PLAGL1: variants seen among roughly 807,000 people sequenced by gnomAD.
PLAGL1 encodes the protein PLAG1 like zinc finger 1.
A neutral mutation model predicts 4.6 loss-of-function variants in PLAGL1; 1 was observed. That is an observed-to-expected ratio of 0.22 (90% CI 0.08 to 1.03). The LOEUF (loss-of-function observed/expected upper bound fraction) is 1.03, where lower values mean the gene tolerates loss of function less well. Among genes scored for constraint, PLAGL1 ranks in the 50% least tolerant of loss-of-function variants. The probability of loss-of-function intolerance (pLI) is 0.58; values close to 1 mark genes in which losing one functional copy is unlikely to be tolerated. For synonymous variants in PLAGL1, 240 were observed against 237.8 expected, an observed-to-expected ratio of 1.01 and a Z score of -0.08; for missense variants, 464 against 570.4, an observed-to-expected ratio of 0.81 and a Z score of 1.90.
At position 143,950,720 on chromosome 6, in the gene PLAGL1, A is replaced by G. The variant is rs373729285; in HGVS notation, c.-324-2260T>C. 9.2e-5 allele frequency among the ~76,000 whole-genome samples: 14 copies of G among 152,080 alleles called. No individual in the cohort carries two copies. The East Asian group carries it at 1.5e-3, about 17-fold the overall frequency. On this transcript the variant is annotated intron_variant, in intron 6 of 7. Coordinates refer to ENST00000674357, the MANE Select transcript of PLAGL1 (RefSeq NM_001317162.2). The surrounding 1 kb of genome is among the most constrained non-coding windows in gnomAD (Gnocchi z 6.3). ...CTCTCACCTACTTAACACCCTGCAT[A>G]TACACTTTTCTCAACTTATCTCAGT...
chr6:143,998,246 T>C (rs937588344), intron 1 of PLAGL1, among the ~76,000 whole-genome samples: 6 of 152,192 alleles, frequency 3.9e-5, no homozygotes, highest in East Asian at 1.9e-4. Context: ...CTATAGTATA[T>C]TGGCAATGAA....
intron 1 of PLAGL1, among the ~76,000 whole-genome samples, chr6:144,043,101 A>G (rs1224336920): frequency 6.6e-6 from 1 of 152,200 alleles, no homozygotes; most frequent in Non-Finnish European, 1.5e-5. Context: ...TTCTAAATAT[A>G]CAATCATATC....
intron 1 of PLAGL1, among the ~76,000 whole-genome samples, chr6:144,035,011 A>G (rs540319843): frequency 6.6e-6 from 1 of 152,350 alleles, no homozygotes; most frequent in Admixed American, 6.5e-5. Context: ...TGTTAATGAT[A>G]GAATCTAGTG....
In PLAGL1 at chr6:143,953,033, TG is replaced by T. The variant is rs1401258554; in HGVS notation, c.-324-4574del. Among the ~76,000 whole-genome samples, 3 of 152,264 alleles carry T rather than the reference TG, an allele frequency of 2.0e-5. No individual in the cohort carries two copies. The highest frequency in any genetic ancestry group is 7.2e-5 in the African/African-American group (3 of 41,478). ...CAAGGCCAAGGATCACTCCACTTGCTGTTTCCTTAAAGTGCTACTTTCTCTC... is the reference window on the plus strand; with the variant it reads ...CAAGGCCAAGGATCACTCCACTTGCTTTTCCTTAAAGTGCTACTTTCTCTC... On this transcript the variant is annotated intron_variant, in intron 6 of 7. Coordinates refer to ENST00000674357, the MANE Select transcript of PLAGL1 (RefSeq NM_001317162.2). This position sits in a 1 kb window ranked among gnomAD's most constrained non-coding sequence, Gnocchi z 5.3.
At chr6:144,035,279 A>G (rs142225008) in intron 1 of PLAGL1, among the ~76,000 whole-genome samples, 15 of 152,308 alleles carry the variant, frequency 9.8e-5, no homozygotes, top group Non-Finnish European at 1.5e-4. Context: ...CCAAAAACTC[A>G]AAGATAGGGA....
At chr6:144,028,327 C>T (rs1796524750) in intron 1 of PLAGL1, among the ~76,000 whole-genome samples, 1 of 152,144 alleles carries the variant, frequency 6.6e-6, no homozygotes, top group Admixed American at 6.5e-5. Flanking sequence ...ATTGTAGTCA[C>T]AGCTCCAAGG....
rs368405582 is a variant in PLAGL1, at chr6:143,955,875, A to C, written c.-325+4594T>G. On this transcript the variant is annotated intron_variant, in intron 6 of 7. Coordinates refer to ENST00000674357, the MANE Select transcript of PLAGL1 (RefSeq NM_001317162.2). The surrounding 1 kb of genome is among the most constrained non-coding windows in gnomAD (Gnocchi z 4.9). ...TCCAGTGACACTCTGTAAACAGAAT[A>C]ACTGGATTAGGACTGAGGTTAGGGG... Among the ~76,000 whole-genome samples the C allele has an allele frequency of 2.0e-5, 3 of 152,158 alleles. No individual in the cohort carries two copies. Among genetic ancestry groups the C allele is most frequent in the Non-Finnish European group, 2.9e-5 (2 of 68,020 alleles).
At chr6:143,946,988 C>A (rs972888486) in intron 7 of PLAGL1, among the ~76,000 whole-genome samples, 1 of 152,210 alleles carries the variant, frequency 6.6e-6, no homozygotes, top group Non-Finnish European at 1.5e-5. Context: ...TAAAAAGATC[C>A]ACTGGCGGCA....
chr6:143,956,180 T>C (rs905199349), intron 6 of PLAGL1, among the ~76,000 whole-genome samples: 4 of 152,218 alleles, frequency 2.6e-5, no homozygotes, highest in African/African-American at 9.6e-5. Flanking sequence ...ACTCACGTGT[T>C]CAACCTTGAT....
rs1012709140 is a variant in PLAGL1 at position 143,978,760 on chromosome 6, A to C, written c.-544+6375T>G. Among the ~76,000 whole-genome samples the C allele has an allele frequency of 6.6e-6, 1 of 152,174 alleles. No individual in the cohort carries two copies. On this transcript the variant is annotated intron_variant, in intron 2 of 7. Coordinates refer to ENST00000674357, the MANE Select transcript of PLAGL1 (RefSeq NM_001317162.2). This position sits in a 1 kb window ranked among gnomAD's most constrained non-coding sequence, Gnocchi z 4.6. ...GTCTATCTTGAAAAATGTTCTGGCT[A>C]TGCTTGGAAAAAGTGTGCAGTTTGC...
At chr6:144,019,000 C>T (rs900313165) in intron 1 of PLAGL1, among the ~76,000 whole-genome samples, 2 of 152,044 alleles carry the variant, frequency 1.3e-5, no homozygotes, top group Non-Finnish European at 2.9e-5. Flanking sequence ...CACCACTATA[C>T]TCCAGCCTGG....
chr6:144,047,620 T>C (rs1798260537), intron 1 of PLAGL1, among the ~76,000 whole-genome samples: 1 of 152,054 alleles, frequency 6.6e-6, no homozygotes, highest in African/African-American at 2.4e-5. Context: ...TCATGGGAAC[T>C]CACTCACTAT....
Position 143,982,887 on chromosome 6 carries a change from T to G in PLAGL1, c.-544+2248A>C, listed in dbSNP as rs979359937. Among the ~76,000 whole-genome samples, 6 of 152,184 alleles carry G rather than the reference T, an allele frequency of 3.9e-5. No individual in the cohort carries two copies. The highest frequency in any genetic ancestry group is 8.8e-5 in the Non-Finnish European group (6 of 68,038). ...AGGTGCAGACATGTTAGGTTTGATA[T>G]GCCTATTAGACATCCAGCAATTGGA... On this transcript the variant is annotated intron_variant, in intron 2 of 7. Coordinates refer to ENST00000674357, the MANE Select transcript of PLAGL1 (RefSeq NM_001317162.2). This position sits in a 1 kb window ranked among gnomAD's most constrained non-coding sequence, Gnocchi z 5.3.
chr6:144,039,406 A>G lies in PLAGL1; in HGVS notation c.-151+25062T>C, dbSNP rs1379333703. Among the ~76,000 whole-genome samples the G allele has an allele frequency of 6.6e-6, 1 of 152,134 alleles. No homozygotes were observed. The highest frequency in any genetic ancestry group is 1.9e-4 in the East Asian group (1 of 5,200). On this transcript the variant is annotated intron_variant, in intron 1 of 3. Transcript: ENST00000437412. The surrounding 1 kb of genome is among the most constrained non-coding windows in gnomAD (Gnocchi z 4.1). ...TTGAAACCAGTCTGGCCAACATGGC[A>G]AAACCCCATCTCTACAAAAAAATAC...
intron 1 of PLAGL1, among the ~76,000 whole-genome samples, chr6:144,025,583 A>G (rs1206176012): frequency 1.3e-5 from 2 of 152,106 alleles, no homozygotes; most frequent in African/African-American, 4.8e-5. Flanking sequence ...TAAAGTAAAA[A>G]CTATATTTTT....
rs71024883 is a variant in PLAGL1 at position 143,987,437 on chromosome 6, C to CTT, written c.-583-2265_-583-2264dup. Among the ~76,000 whole-genome samples the CTT allele has an allele frequency of 1.1e-3, 82 of 73,944 alleles. 9 individuals carry two copies. Among genetic ancestry groups the CTT allele is most frequent in the Non-Finnish European group, 1.4e-3 (57 of 41,122 alleles). The allele number at this position is 73,944 out of a possible 152,430, so 48.5% of individuals were successfully genotyped here. On this transcript the variant is annotated intron_variant, in intron 1 of 7. Transcript: ENST00000674357. ...GATCTGGCATGTGCCACCACACTGG[C>CTT]TTTTTTTTTTTTTTTTTTTTTTTGG...
At chr6:144,052,989 A>C (rs1798688183) in intron 1 of PLAGL1, among the ~76,000 whole-genome samples, 1 of 152,198 alleles carries the variant, frequency 6.6e-6, no homozygotes, top group Non-Finnish European at 1.5e-5. Flanking sequence ...CACAGAAAAA[A>C]ATTATACTCA....
At position 143,948,307 on chromosome 6, in the gene PLAGL1, A is replaced by G; in HGVS notation, c.-171T>C. The G allele has an allele frequency of 1.7e-6, 1 of 582,934 alleles. No individual in the cohort carries two copies. Among genetic ancestry groups the G allele is most frequent in the Non-Finnish European group, 3.1e-6 (1 of 323,600 alleles). The allele number at this position is 582,934 out of a possible 1,614,324, so 36.1% of individuals were successfully genotyped here. A position where few individuals can be genotyped will look rare whatever the true frequency, so the allele number is the denominator to read the frequency against. On this transcript the variant is annotated 5_prime_UTR_variant, in exon 7 of 8. Transcript: ENST00000674357. This position sits in a 1 kb window ranked among gnomAD's most constrained non-coding sequence, Gnocchi z 6.0. ...GGTTCTACCCAGACATGGACCTCTC[A>G]GCTGTCACTAGCTTTGCTTCCTGCT...
In PLAGL1 at chr6:143,942,602, TGAACGTC is replaced by T; in HGVS notation, c.207_213del (p.Phe71GlyfsTer5). On this transcript the variant is annotated frameshift_variant, in exon 8 of 8. Transcript: ENST00000674357. LOFTEE classifies it low-confidence loss of function (END_TRUNC). The surrounding 1 kb of genome is among the most constrained non-coding windows in gnomAD (Gnocchi z 7.6). ...TGGTTTTTCAGGTGGTCTTTCCGGT[TGAACGTC>T]TTCTCACAGTGAGCACACTGGTGAG... is the stretch of plus-strand genomic sequence containing the variant. 1 of 1,614,136 alleles carries T rather than the reference TGAACGTC, an allele frequency of 6.2e-7. No homozygotes were observed. Among genetic ancestry groups the T allele is most frequent in the Non-Finnish European group, 8.5e-7 (1 of 1,179,990 alleles).
Sources: gnomAD v4.1 joint callset for allele counts (sites outside exome capture counted in the v4.1 genomes callset) on GRCh38, gnomAD v4.1.1 for gene constraint, Gnocchi (gnomAD v3.1) non-coding constraint, MANE v1.5 for transcripts, NCBI Gene and HGNC (gene_info 2026-07-23, HGNC 2026-07-21) for gene names.